Variants in CNDP2 observed in about 807,000 individuals in gnomAD.
The protein encoded by CNDP2 is cytosolic non-specific dipeptidase.
Under a neutral mutation model 55.0 loss-of-function variants are expected in CNDP2, and 38 were observed. That is an observed-to-expected ratio of 0.69 (90% confidence interval 0.53 to 0.90). The LOEUF is 0.90. Among genes scored for constraint, CNDP2 ranks in the 40% least tolerant of loss-of-function variants. The pLI is 0.00. For missense variants in CNDP2, 607 were observed against 621.7 expected (o/e 0.98, Z 0.25); for synonymous variants, 241 against 260.2 (o/e 0.93, Z 0.71).
rs3764509 is a variant in CNDP2, at chr18:74,499,889, C to A, written c.-85C>A. ...CACGTGCTTTCTGGGCAGGTCGCCC[C>A]TCAGTCTCCACTAGAGACAGGACTG... On this transcript the variant is annotated 5_prime_UTR_variant, in exon 2 of 12. Coordinates refer to ENST00000324262, the MANE Select transcript of CNDP2 (RefSeq NM_018235.3). The A allele has an allele frequency of 2.5e-5, 32 of 1,257,552 alleles. No individual in the cohort carries two copies. The African/African-American group carries it at 3.8e-4, about 15-fold the overall frequency. 77.9% of individuals were successfully genotyped at this position (1,257,552 alleles called of 1,614,324 possible).
intron 9 of CNDP2, chr18:74,517,516 G>A (rs1006851284): frequency 3.3e-5 from 5 of 152,156 alleles, no homozygotes; most frequent in African/African-American, 4.8e-5. Flanking sequence ...AACCACTAAT[G>A]CGGTCAGGTG....
intron 8 of CNDP2, 168 bp downstream of exon 8, chr18:74,513,887 T>C (rs373972064): frequency 1.1e-5 from 7 of 650,682 alleles, no homozygotes; most frequent in African/African-American, 9.4e-5. Context: ...TTGCTGGTCG[T>C]TGGAATTTTT....
At chr18:74,509,065 C>T in intron 5 of CNDP2, 137 bp downstream of exon 5, 1 of 653,498 alleles carries the variant, frequency 1.5e-6, no homozygotes, top group African/African-American at 1.8e-5. Context: ...CTTATCAGCA[C>T]AGATGACTCG....
At chr18:74,502,203 G>T (rs1274737517) in intron 3 of CNDP2, among the ~76,000 whole-genome samples, 1 of 152,164 alleles carries the variant, frequency 6.6e-6, no homozygotes, top group East Asian at 1.9e-4. Context: ...TTGTGTGGGG[G>T]TCTGTTGTTT....
At chr18:74,500,941 C>T (rs1418039809) in intron 2 of CNDP2, 1 of 160,162 alleles carries the variant, frequency 6.2e-6, no homozygotes, top group Admixed American at 6.2e-5. Context: ...TTCTTTTATA[C>T]AATGTCTGGA....
chr18:74,509,367 G>A (rs567186965), intron 5 of CNDP2: 1 of 157,050 alleles, frequency 6.4e-6, no homozygotes, highest in South Asian at 1.9e-4. Flanking sequence ...GCTCACACCT[G>A]TAATTCCTTT....
rs756414133 is a variant in CNDP2 at position 74,516,299 on chromosome 18, G to T, written c.975G>T (p.Gly325=). The T allele has an allele frequency of 5.8e-5, 94 of 1,614,148 alleles. 4 individuals are homozygous for T. In the South Asian group the frequency reaches 1.0e-3, roughly 18 times the overall value. ...ATGGCATCGAAGGCGCCTTCTCTGG[G>T]TCTGGGGCCAAGACCGTGATTCCCA... ...SLHGIEGAFS[G]SGAKTVIPRK... Residue 325 remains glycine, a synonymous_variant, in exon 9 of 12, where the codon GGG becomes GGT. Coordinates refer to ENST00000324262, the MANE Select transcript of CNDP2 (RefSeq NM_018235.3).
intron 3 of CNDP2, among the ~76,000 whole-genome samples, chr18:74,503,339 G>A (rs1272365414): frequency 3.7e-4 from 57 of 152,192 alleles, no homozygotes; most frequent in Admixed American, 3.7e-3. Flanking sequence ...CACATCTTCT[G>A]TTCTCTTCCC....
intron 3 of CNDP2, among the ~76,000 whole-genome samples, chr18:74,503,001 C>T (rs757928508): frequency 1.3e-5 from 2 of 151,284 alleles, no homozygotes; most frequent in African/African-American, 2.4e-5. Flanking sequence ...ATTTTCCCCC[C>T]ATCTTTGGGA....
At chr18:74,503,448 G>A (rs1978826862) in intron 3 of CNDP2, among the ~76,000 whole-genome samples, 2 of 152,204 alleles carry the variant, frequency 1.3e-5, no homozygotes, top group African/African-American at 4.8e-5. Flanking sequence ...CAGTGCAGAA[G>A]TCAGAGTATT....
chr18:74,499,315 T>C (rs1158256431), intron 1 of CNDP2: 2 of 152,414 alleles, frequency 1.3e-5, no homozygotes, highest in African/African-American at 4.8e-5. Flanking sequence ...AGTTGCTGGG[T>C]GTCACACATG....
At chr18:74,499,796 C>G (rs1163340537) in intron 1 of CNDP2, 86 bp from the exon 2 acceptor site, 3 of 494,280 alleles carry the variant, frequency 6.1e-6, no homozygotes, top group Non-Finnish European at 1.1e-5. Context: ...CAGTCACTTC[C>G]TGGAGCGTCT....
intron 3 of CNDP2, among the ~76,000 whole-genome samples, chr18:74,502,722 A>G (rs1978779731): frequency 6.6e-6 from 1 of 152,174 alleles, no homozygotes; most frequent in Admixed American, 6.5e-5. Context: ...GCTATGGCTT[A>G]TCTCGGTTCT....
chr18:74,500,240 A>T (rs1978616469), intron 2 of CNDP2, among the ~76,000 whole-genome samples: 1 of 152,356 alleles, frequency 6.6e-6, no homozygotes, highest in Middle Eastern at 3.4e-3. Flanking sequence ...AAGAATAGCA[A>T]ATCTAATTGA....
chr18:74,502,443 A>C (rs946595561), intron 3 of CNDP2, among the ~76,000 whole-genome samples: 1 of 151,048 alleles, frequency 6.6e-6, no homozygotes, highest in African/African-American at 2.4e-5. Context: ...GTGTGTGTGT[A>C]TATATATGTG....
chr18:74,520,098 A>G lies in CNDP2; in HGVS notation c.*30A>G, dbSNP rs375487718. ...AGCCCTCTGTGTGCCATCTCCAATG[A>G]GAAGGAATCCTGCCCTCACCTCACC... On this transcript the variant is annotated 3_prime_UTR_variant, in exon 12 of 12. Coordinates refer to ENST00000324262, the MANE Select transcript of CNDP2 (RefSeq NM_018235.3). 1.2e-6 allele frequency: 2 copies of G among 1,610,682 alleles called. No homozygotes were observed. Among genetic ancestry groups the G allele is most frequent in the African/African-American group, 1.3e-5 (1 of 74,992 alleles).
intron 9 of CNDP2, chr18:74,518,274 AAAT>A (rs1979821988): frequency 2.4e-6 from 1 of 423,320 alleles, no homozygotes; most frequent in Admixed American, 3.8e-5. Context: ...AAAAAATAAA[AAAT>A]AAAAAAAGAA....
intron 11 of CNDP2, among the ~76,000 whole-genome samples, chr18:74,519,476 G>A (rs560585469): frequency 1.3e-5 from 2 of 152,224 alleles, no homozygotes; most frequent in African/African-American, 2.4e-5. Context: ...ACAACGGGGC[G>A]GGTGCAGCCT....
In CNDP2 at chr18:74,521,713, G is replaced by A. The variant is rs1980058984; in HGVS notation, c.*1645G>A. ...GTGGGTGAGAAGGACCAGTGCCCCT[G>A]GATGAAGAATCTCTGCTCATGTGGG... On this transcript the variant is annotated 3_prime_UTR_variant, in exon 12 of 12. Transcript: ENST00000324262. 6.6e-6 allele frequency: 1 copy of A among 152,252 alleles called. No homozygotes were observed. Among genetic ancestry groups the A allele is most frequent in the Non-Finnish European group, 1.5e-5 (1 of 68,068 alleles). 9.4% of individuals were successfully genotyped at this position (152,252 alleles called of 1,614,324 possible). A position where few individuals can be genotyped will look rare whatever the true frequency, so the allele number is the denominator to read the frequency against.
Sources: gnomAD v4.1 joint callset for allele counts (sites outside exome capture counted in the v4.1 genomes callset) on GRCh38, gnomAD v4.1.1 for gene constraint, MANE v1.5 for transcripts, NCBI Gene and HGNC (gene_info 2026-07-23, HGNC 2026-07-21) for gene names.